The following CNBD2 variants were observed in gnomAD, a reference collection of about 807,000 sequenced individuals.
CNBD2 encodes the protein cyclic nucleotide binding domain containing 2, also known as cyclic nucleotide-binding domain-containing protein 2.
A neutral mutation model predicts 63.7 loss-of-function variants in CNBD2; 64 were observed. The observed-to-expected ratio is 1.00, with a 90% confidence interval of 0.82 to 1.24. The LOEUF (loss-of-function observed/expected upper bound fraction) is 1.24. CNBD2 is among the 50% of genes most tolerant of loss of function. The pLI is 0.00. For synonymous variants in CNBD2, 229 were observed against 255.4 expected, an observed-to-expected ratio of 0.90 and a Z score of 0.99; for missense variants, 691 against 713.5, an observed-to-expected ratio of 0.97 and a Z score of 0.36.
intron 8 of CNBD2, among the ~76,000 whole-genome samples, chr20:35,997,633 G>A (rs751507768): frequency 6.6e-5 from 10 of 152,148 alleles, no homozygotes; most frequent in African/African-American, 1.4e-4. Flanking sequence ...ATAATGGTCC[G>A]TACCTCGTAG....
upstream of CNBD2, among the ~76,000 whole-genome samples, chr20:35,966,891 C>T (rs1319751723): frequency 6.6e-6 from 1 of 152,206 alleles, no homozygotes; most frequent in African/African-American, 2.4e-5. Context: ...TTCTGTTCCC[C>T]ACTTCCTACT....
chr20:36,018,329 A>G (rs982055822), intron 10 of CNBD2, among the ~76,000 whole-genome samples: 1 of 152,174 alleles, frequency 6.6e-6, no homozygotes, highest in African/African-American at 2.4e-5. Context: ...AACAGGGAGT[A>G]AGGCCTTGAT....
chr20:36,017,800 C>T (rs2057155014), intron 10 of CNBD2, among the ~76,000 whole-genome samples: 1 of 152,178 alleles, frequency 6.6e-6, no homozygotes, highest in East Asian at 1.9e-4. Context: ...AGCCTTCCAG[C>T]CTATTGCTCC....
chr20:35,971,501 T>G (rs965055332), intron 1 of CNBD2, among the ~76,000 whole-genome samples: 2 of 151,712 alleles, frequency 1.3e-5, no homozygotes, highest in Non-Finnish European at 2.9e-5. Context: ...CTGCAACCTC[T>G]GCCTCCCAGG....
chr20:35,985,271 C>T (rs1280966918), intron 6 of CNBD2, among the ~76,000 whole-genome samples: 1 of 151,924 alleles, frequency 6.6e-6, no homozygotes, highest in Non-Finnish European at 1.5e-5. Context: ...TGCACTCCAG[C>T]CTGGGCAACA....
At chr20:35,962,415 C>G in intron 2 of CNBD2, among the ~76,000 whole-genome samples, 1 of 152,104 alleles carries the variant, frequency 6.6e-6, no homozygotes, top group East Asian at 1.9e-4. Context: ...CCCACCACCA[C>G]GCCCAGCTAA....
chr20:36,028,253 T>TGG (rs2057304264), intron 11 of CNBD2, among the ~76,000 whole-genome samples: 1 of 152,022 alleles, frequency 6.6e-6, no homozygotes, highest in African/African-American at 2.4e-5. Context: ...TAGAGTTGAG[T>TGG]GGGGGCAGAT....
chr20:35,991,812 C>G (rs745486165), intron 7 of CNBD2, among the ~76,000 whole-genome samples: 190 of 152,296 alleles, frequency 1.2e-3, no homozygotes, highest in Middle Eastern at 3.4e-3. Flanking sequence ...CTCCCGCAAT[C>G]CAGTGCTTCT....
intron 8 of CNBD2, among the ~76,000 whole-genome samples, chr20:35,996,004 G>A (rs2056819839): frequency 6.6e-6 from 1 of 152,218 alleles, no homozygotes; most frequent in Non-Finnish European, 1.5e-5. Context: ...ATCACATGGA[G>A]AGGGAGCACT....
At chr20:36,021,762 G>A (rs1016322717) in intron 10 of CNBD2, among the ~76,000 whole-genome samples, 1 of 152,172 alleles carries the variant, frequency 6.6e-6, no homozygotes, top group African/African-American at 2.4e-5. Flanking sequence ...CCTGTCCCAG[G>A]TGTCTCCTTA....
At chr20:35,956,103 A>G (rs1361696186), downstream of CNBD2, among the ~76,000 whole-genome samples, 1 of 152,242 alleles carries the variant, frequency 6.6e-6, no homozygotes, top group African/African-American at 2.4e-5. Context: ...AAGGTTTTCT[A>G]TGACCTTGCA....
intron 10 of CNBD2, among the ~76,000 whole-genome samples, chr20:36,016,260 A>C (rs751486348): frequency 7.9e-5 from 12 of 152,206 alleles, no homozygotes; most frequent in Non-Finnish European, 1.6e-4. Flanking sequence ...AAAGAGCCCT[A>C]TTATTAAATG....
rs931342579 is a variant in CNBD2 at position 35,954,811 on chromosome 20, G to A, written c.*28G>A. The stretch of plus-strand genomic sequence containing the variant: ...GACCCTGATGAGCTGTAGCTCTGAT[G>A]GCCCCTCCTTCGGGAATGATTAGGG... On this transcript the variant is annotated 3_prime_UTR_variant, in exon 1 of 1. Transcript: ENST00000614708. 1.7e-5 allele frequency: 6 copies of A among 345,644 alleles called. No individual in the cohort carries two copies. The Admixed American group carries it at 1.9e-4, about 11-fold the overall frequency. 21.4% of individuals were successfully genotyped at this position (345,644 alleles called of 1,614,324 possible).
intron 7 of CNBD2, among the ~76,000 whole-genome samples, chr20:35,989,582 C>A (rs1007740281): frequency 1.3e-5 from 2 of 152,096 alleles, no homozygotes; most frequent in African/African-American, 4.8e-5. Flanking sequence ...AAGGAGGAAG[C>A]AAGATTGGTT....
At chr20:36,029,703 C>T (rs2057321678) in intron 11 of CNBD2, among the ~76,000 whole-genome samples, 4 of 152,260 alleles carry the variant, frequency 2.6e-5, no homozygotes, top group Admixed American at 6.5e-5. Flanking sequence ...TTATCTTTGT[C>T]GATATAATCT....
chr20:35,984,881 CTCTG>C, intron 6 of CNBD2, 103 bp downstream of exon 6: 1 of 1,239,106 alleles, frequency 8.1e-7, no homozygotes, highest in South Asian at 1.3e-5. Flanking sequence ...TTGCTGTTCT[CTCTG>C]TCTGGGATGC....
chr20:35,986,714 A>C (rs2056672581), intron 6 of CNBD2, among the ~76,000 whole-genome samples: 1 of 152,336 alleles, frequency 6.6e-6, no homozygotes, highest in South Asian at 2.1e-4. Flanking sequence ...CACCTGAGTC[A>C]GTTAAGTTCT....
At chr20:35,991,382 GT>G (rs1430047699) in intron 7 of CNBD2, among the ~76,000 whole-genome samples, 1 of 152,184 alleles carries the variant, frequency 6.6e-6, no homozygotes, top group African/African-American at 2.4e-5. Flanking sequence ...CACCAGGGGC[GT>G]GGTGTGTGTG....
At chr20:36,021,259 C>T (rs1241111989) in intron 10 of CNBD2, among the ~76,000 whole-genome samples, 2 of 152,090 alleles carry the variant, frequency 1.3e-5, no homozygotes, top group Non-Finnish European at 2.9e-5. Context: ...TTTGCAGCAG[C>T]GTGGATGGCA....
Sources: allele counts gnomAD v4.1 joint callset (sites outside exome capture counted in the v4.1 genomes callset), GRCh38; gene constraint gnomAD v4.1.1; transcripts MANE v1.5; gene names NCBI Gene and HGNC (gene_info 2026-07-23, HGNC 2026-07-21).